Variants in POU6F2 observed in about 807,000 individuals in gnomAD.
POU6F2 encodes POU class 6 homeobox 2.
A neutral mutation model predicts 71.3 loss-of-function variants in POU6F2; 31 were observed. The observed-to-expected ratio is 0.43, with a 90% CI of 0.33 to 0.59. The LOEUF (loss-of-function observed/expected upper bound fraction) is 0.59, where lower values mean the gene tolerates loss of function less well. Ranked by LOEUF, POU6F2 falls within the 20% of genes least tolerant of loss-of-function variation. POU6F2 has a pLI of 0.04. For synonymous variants in POU6F2, 347 were observed against 355.7 expected, an observed-to-expected ratio of 0.98 and a Z score of 0.27; for missense variants, 783 against 856.8, an observed-to-expected ratio of 0.91 and a Z score of 1.07.
intron 7 of POU6F2, among the ~76,000 whole-genome samples, chr7:39,445,788 A>C (rs944244988): frequency 1.3e-5 from 2 of 152,202 alleles, no homozygotes; most frequent in Admixed American, 6.5e-5. Context: ...TCAGGCATTC[A>C]TTATACCCTC....
At chr7:38,993,227 A>T (rs76442698) in intron 1 of POU6F2, among the ~76,000 whole-genome samples, 15,920 of 151,982 alleles carry the variant, frequency 0.1, 894 homozygotes, top group East Asian at 0.13. Context: ...ATACATATAC[A>T]TATATTCCTA....
intron 6 of POU6F2, among the ~76,000 whole-genome samples, chr7:39,419,013 A>ATG (rs1330610866): frequency 4.2e-4 from 53 of 125,144 alleles, no homozygotes; most frequent in Middle Eastern, 8.8e-3. Context: ...ATGTGTATAT[A>ATG]TGTATATATA....
At chr7:39,446,105 G>C (rs1788516909) in intron 7 of POU6F2, among the ~76,000 whole-genome samples, 1 of 152,202 alleles carries the variant, frequency 6.6e-6, no homozygotes, top group East Asian at 1.9e-4. Context: ...GCTATTCCAA[G>C]GTACACATTA....
At chr7:39,191,065 T>C (rs1369050013) in intron 2 of POU6F2, among the ~76,000 whole-genome samples, 1 of 152,240 alleles carries the variant, frequency 6.6e-6, no homozygotes, top group East Asian at 1.9e-4. Context: ...TCCTATTGTC[T>C]GTGCCATAAC....
intron 4 of POU6F2, among the ~76,000 whole-genome samples, chr7:39,221,808 T>C (rs150319218): frequency 1.8e-4 from 28 of 152,302 alleles, no homozygotes; most frequent in African/African-American, 6.3e-4. Context: ...AAGGACAAAA[T>C]GTTAGAATTT....
chr7:39,067,110 A>T (rs1222852383), intron 1 of POU6F2, among the ~76,000 whole-genome samples: 1 of 149,772 alleles, frequency 6.7e-6, no homozygotes, highest in Non-Finnish European at 1.5e-5. Context: ...GGCATTATAT[A>T]TCATCACACT....
intron 1 of POU6F2, among the ~76,000 whole-genome samples, chr7:39,074,584 G>A (rs1790958008): frequency 6.6e-6 from 1 of 152,108 alleles, no homozygotes. Context: ...TAGATATTTA[G>A]TGAGAGTTTA....
chr7:39,248,407 T>A (rs1783856653), intron 4 of POU6F2, among the ~76,000 whole-genome samples: 1 of 152,150 alleles, frequency 6.6e-6, no homozygotes, highest in African/African-American at 2.4e-5. Context: ...CAGAGAATCA[T>A]CCTTGCTGCC....
Position 39,451,599 on chromosome 7 carries a change from C to T in POU6F2, c.1387C>T (p.His463Tyr), listed in dbSNP as rs367970454. The T allele has an allele frequency of 4.3e-6, 7 of 1,613,736 alleles. No individual in the cohort carries two copies. The South Asian group carries it at 6.6e-5, about 15-fold the overall frequency. The change falls in exon 8 of 10, where the codon CAC becomes TAC. Residue 463 changes from histidine to tyrosine, a missense_variant. By Grantham distance (83) the His-to-Tyr change is moderately conservative. Transcript: ENST00000518318. ...CCAAGGCAACCTTCTGCACCTGGCT[C>T]ACAGCCAAGCATCCATGTCTCAAAG... Reference protein sequence around the residue: ...ASQGNLLHLAHSQASMSQSPV... With the variant: ...ASQGNLLHLAYSQASMSQSPV...
rs182893690 is a variant in POU6F2 at position 39,059,658 on chromosome 7, C to T, written c.106-26202C>T. ...GTTAAACCTATAGTTACCATATGAT[C>T]AAGAAATGATATTCCTAAATCTATT... On this transcript the variant is annotated intron_variant, in intron 1 of 9. Transcript: ENST00000518318. Among the ~76,000 whole-genome samples the T allele has an allele frequency of 2.6e-3, 394 of 152,192 alleles. 2 individuals are homozygous for T. Among genetic ancestry groups the T allele is most frequent in the African/African-American group, 9.0e-3 (373 of 41,518 alleles).
intron 4 of POU6F2, among the ~76,000 whole-genome samples, chr7:39,288,846 A>G (rs1289370191): frequency 1.3e-5 from 2 of 152,192 alleles, no homozygotes; most frequent in Non-Finnish European, 2.9e-5. Flanking sequence ...CAATTTCAGC[A>G]TCCTTCCACA....
intron 1 of POU6F2, chr7:39,085,062 T>A (rs1043121258): frequency 1.4e-4 from 22 of 152,198 alleles, no homozygotes; most frequent in Admixed American, 1.4e-3. Context: ...AAGGCGATTT[T>A]TGTTTTCTTT....
chr7:39,237,755 A>G (rs574633628), intron 4 of POU6F2, among the ~76,000 whole-genome samples: 1 of 152,290 alleles, frequency 6.6e-6, no homozygotes, highest in East Asian at 1.9e-4. Context: ...GGGGGCACCC[A>G]TACAAAAGGG....
At chr7:39,071,250 C>T (rs1285890537) in intron 1 of POU6F2, among the ~76,000 whole-genome samples, 1 of 151,968 alleles carries the variant, frequency 6.6e-6, no homozygotes, top group Non-Finnish European at 1.5e-5. Context: ...CTACCGAGAT[C>T]CCTCACACAT....
chr7:38,998,816 ATTTT>A (rs757703122), intron 1 of POU6F2, among the ~76,000 whole-genome samples: 13,509 of 116,462 alleles, frequency 0.12, 639 homozygotes, highest in Non-Finnish European at 0.14. Context: ...CACCCGGCTA[ATTTT>A]TTTTTTTTTT....
chr7:39,131,757 T>A (rs1271031400), intron 2 of POU6F2, among the ~76,000 whole-genome samples: 1 of 152,326 alleles, frequency 6.6e-6, no homozygotes, highest in East Asian at 1.9e-4. Flanking sequence ...TTCTGATCTT[T>A]CTCCTGCACA....
At chr7:39,133,353 A>G (rs1328959679) in intron 2 of POU6F2, among the ~76,000 whole-genome samples, 1 of 152,230 alleles carries the variant, frequency 6.6e-6, no homozygotes, top group African/African-American at 2.4e-5. Flanking sequence ...AAAAGCACCA[A>G]CATCAATAGC....
intron 1 of POU6F2, among the ~76,000 whole-genome samples, chr7:39,032,288 T>C (rs146393441): frequency 6.6e-6 from 1 of 152,310 alleles, no homozygotes; most frequent in East Asian, 1.9e-4. Flanking sequence ...TCCTTCTTCA[T>C]GCCAAAAGAA....
intron 4 of POU6F2, among the ~76,000 whole-genome samples, chr7:39,338,507 C>T (rs1785833575): frequency 6.6e-6 from 1 of 152,286 alleles, no homozygotes; most frequent in African/African-American, 2.4e-5. Flanking sequence ...CTTGCTATCC[C>T]AACTGGACCA....
Sources: allele counts gnomAD v4.1 joint callset (sites outside exome capture counted in the v4.1 genomes callset), GRCh38; gene constraint gnomAD v4.1.1; transcripts MANE v1.5; gene names NCBI Gene and HGNC (gene_info 2026-07-23, HGNC 2026-07-21).